The following ARHGEF18 variants were observed in gnomAD, a reference collection of about 807,000 sequenced individuals.
ARHGEF18 encodes the protein rho guanine nucleotide exchange factor 18.
Under a neutral mutation model 155.7 loss-of-function variants are expected in ARHGEF18, and 93 were observed. The ratio of observed to expected loss-of-function variants is 0.60; its 90% CI spans 0.50 to 0.71. ARHGEF18 has a LOEUF of 0.71. Ranked by LOEUF, ARHGEF18 falls within the 30% of genes least tolerant of loss-of-function variation. The probability of loss-of-function intolerance (pLI) is 0.00; values close to 1 mark genes in which losing one functional copy is unlikely to be tolerated. For missense variants in ARHGEF18, 1,593 were observed against 1,816.1 expected (o/e 0.88, Z 2.23); for synonymous variants, 742 against 753.1 (o/e 0.99, Z 0.24).
intron 8 of ARHGEF18, among the ~76,000 whole-genome samples, chr19:7,381,674 T>C (rs1459706929): frequency 2.1e-5 from 3 of 142,238 alleles, no homozygotes; most frequent in African/African-American, 3.0e-5. Context: ...TGAAACTCCG[T>C]CTCAAAAATA....
chr19:7,473,790 T>C (rs1168223005), downstream of ARHGEF18, among the ~76,000 whole-genome samples: 40 of 112,340 alleles, frequency 3.6e-4, no homozygotes, highest in Admixed American at 2.1e-3. Context: ...GCCTAGGCAA[T>C]AGAGCGAGAC....
In ARHGEF18 at chr19:7,375,705, T is replaced by C. The variant is rs1870175708; in HGVS notation, c.276-15T>C. ...AAGACCTGCTGAAGCCCCAGTACCC[T>C]GTCTTCTCCACTAGGCTCAGCCTCG... On this transcript the variant is annotated splice_polypyrimidine_tract_variant and intron_variant, in intron 3 of 28. Transcript: ENST00000668164. The C allele has an allele frequency of 1.6e-6, 2 of 1,234,146 alleles. No homozygotes were observed. The highest frequency in any genetic ancestry group is 3.1e-5 in the African/African-American group (2 of 64,478). The allele number at this position is 1,234,146 out of a possible 1,614,324, so 76.4% of individuals were successfully genotyped here.
chr19:7,435,040 A>G (rs1974179923), intron 10 of ARHGEF18, among the ~76,000 whole-genome samples: 1 of 152,170 alleles, frequency 6.6e-6, no homozygotes, highest in South Asian at 2.1e-4. Context: ...CATCTCTACT[A>G]AAAATACAAA....
At chr19:7,450,752 G>A (rs912873861) in intron 15 of ARHGEF18, among the ~76,000 whole-genome samples, 1 of 152,304 alleles carries the variant, frequency 6.6e-6, no homozygotes, top group Non-Finnish European at 1.5e-5. Flanking sequence ...TGTTAATGCG[G>A]GATCTTGCTG....
chr19:7,441,051 G>A (rs1974609092), intron 11 of ARHGEF18, among the ~76,000 whole-genome samples: 2 of 151,888 alleles, frequency 1.3e-5, no homozygotes, highest in Admixed American at 6.6e-5. Flanking sequence ...CCCCAAGTGG[G>A]CTCCAGTGGT....
intron 10 of ARHGEF18, among the ~76,000 whole-genome samples, chr19:7,433,849 A>G (rs1304945483): frequency 3.3e-5 from 5 of 151,660 alleles, no homozygotes; most frequent in South Asian, 2.1e-4. Flanking sequence ...GAGAAACCCT[A>G]TCTCTACTAA....
At chr19:7,409,430 C>CTT (rs55893809) in intron 10 of ARHGEF18, among the ~76,000 whole-genome samples, 1 of 121,196 alleles carries the variant, frequency 8.3e-6, no homozygotes. Flanking sequence ...AATGAAGAGT[C>CTT]TTTTTTTTTT....
chr19:7,379,087 C>T (rs1970603363), intron 6 of ARHGEF18, 35 bp from the exon 7 acceptor site: 2 of 1,231,870 alleles, frequency 1.6e-6, no homozygotes, highest in South Asian at 4.1e-5. Context: ...CTGGAGCTAC[C>T]ATGGGCTGTT....
chr19:7,441,962 T>C lies in ARHGEF18; in HGVS notation c.1270T>C (p.Phe424Leu). Residue 424 changes from phenylalanine to leucine, a missense_variant, in exon 13 of 29, where the codon TTT (phenylalanine) becomes CTT (leucine). By Grantham distance (22) the Phe-to-Leu change is conservative. Transcript: ENST00000668164. The part of the protein sequence containing the change: ...RSEIESDGHE[F>L]EAESWSLAVD... ...TGAGATTGAGTCAGACGGCCACGAG[T>C]TTGAAGCTGAGTCCTGGAGCCTCGC... The C allele has an allele frequency of 6.2e-7, 1 of 1,613,914 alleles. No individual in the cohort carries two copies. Among genetic ancestry groups the C allele is most frequent in the Non-Finnish European group, 8.5e-7 (1 of 1,179,978 alleles).
At chr19:7,383,341 A>G (rs558584477) in intron 10 of ARHGEF18, 138 bp downstream of exon 10, 17 of 985,428 alleles carry the variant, frequency 1.7e-5, no homozygotes, top group Non-Finnish European at 2.1e-5. Context: ...GGCTCCCTGG[A>G]GAGAACCAGG....
intron 15 of ARHGEF18, among the ~76,000 whole-genome samples, chr19:7,450,308 A>T (rs1177259461): frequency 2.0e-4 from 1 of 5,002 alleles, no homozygotes; most frequent in East Asian, 6.2e-3. Flanking sequence ...TCCATTTCCA[A>T]GACGTTAATA....
intron 10 of ARHGEF18, among the ~76,000 whole-genome samples, chr19:7,419,055 AC>A (rs528007724): frequency 0.077 from 9,675 of 126,282 alleles, 791 homozygotes; most frequent in African/African-American, 0.26. Context: ...CGGCCTCTGT[AC>A]CCCAGATGTA....
At chr19:7,407,789 C>A (rs1023170776) in intron 10 of ARHGEF18, among the ~76,000 whole-genome samples, 2 of 151,810 alleles carry the variant, frequency 1.3e-5, no homozygotes, top group South Asian at 4.2e-4. Flanking sequence ...GGTGAAACCC[C>A]GTCTCTACTG....
intron 5 of ARHGEF18, 98 bp from the exon 6 acceptor site, chr19:7,378,296 G>A: frequency 1.1e-6 from 1 of 909,102 alleles, no homozygotes; most frequent in Non-Finnish European, 1.4e-6. Flanking sequence ...CTCCAGTTCT[G>A]CAGGGGCCCA....
chr19:7,458,786 A>C, intron 19 of ARHGEF18, 96 bp downstream of exon 19: 5 of 1,353,948 alleles, frequency 3.7e-6, no homozygotes, highest in South Asian at 3.2e-5. Context: ...GTGACCTTGA[A>C]CTCCCTCATC....
rs1172272092 is a variant in ARHGEF18 at position 7,395,958 on chromosome 19, C to T, written c.967+12755C>T. On this transcript the variant is annotated intron_variant, in intron 10 of 28. Coordinates refer to ENST00000668164, the MANE Select transcript of ARHGEF18 (RefSeq NM_001367823.1). The surrounding 1 kb of genome is among the most constrained non-coding windows in gnomAD (Gnocchi z 5.0). Reference sequence around the variant, plus strand: ...CTGATCTCGTCACCCAGGTACTGAGCATAGTACTCAATAGATAGTTTCAAC... The same window carrying T: ...CTGATCTCGTCACCCAGGTACTGAGTATAGTACTCAATAGATAGTTTCAAC... Among the ~76,000 whole-genome samples, 1 of 151,688 alleles carries T rather than the reference C, an allele frequency of 6.6e-6. No individual in the cohort carries two copies. The highest frequency in any genetic ancestry group is 1.5e-5 in the Non-Finnish European group (1 of 68,002).
At chr19:7,476,004 G>A (rs1011985609), downstream of ARHGEF18, among the ~76,000 whole-genome samples, 6 of 152,282 alleles carry the variant, frequency 3.9e-5, no homozygotes, top group South Asian at 2.1e-4. Flanking sequence ...AGCAGTCCCC[G>A]GCCTCCCAGC....
chr19:7,399,466 C>T (rs1971911294), intron 10 of ARHGEF18, among the ~76,000 whole-genome samples: 1 of 151,750 alleles, frequency 6.6e-6, no homozygotes, highest in Non-Finnish European at 1.5e-5. Context: ...GCAGTAGATA[C>T]ACTAATGTTT....
rs572310195 is a variant in ARHGEF18, at chr19:7,403,697, C to A, written c.967+20494C>A. Among the ~76,000 whole-genome samples, 3 of 152,116 alleles carry A rather than the reference C, an allele frequency of 2.0e-5. No homozygotes were observed. In the East Asian group the frequency reaches 5.8e-4, roughly 29 times the overall value. On this transcript the variant is annotated intron_variant, in intron 10 of 28. Transcript: ENST00000668164. ...GCACTACAGGTGTGCGCCACCGTGC[C>A]CGGCTAATTTTTTATTTTTTGTAGA...
Sources: gnomAD v4.1 joint callset for allele counts (sites outside exome capture counted in the v4.1 genomes callset) on GRCh38, gnomAD v4.1.1 for gene constraint, Gnocchi (gnomAD v3.1) non-coding constraint, MANE v1.5 for transcripts, NCBI Gene and HGNC (gene_info 2026-07-23, HGNC 2026-07-21) for gene names.